ZBTB7C: variants seen among roughly 807,000 people sequenced by gnomAD.
The protein encoded by ZBTB7C is zinc finger and BTB domain containing 7C, also known as zinc finger and BTB domain-containing protein 7C.
In ZBTB7C, 8 loss-of-function variants were observed where a neutral mutation model predicts 25.7. The observed-to-expected ratio is 0.31, with a 90% CI of 0.18 to 0.56. ZBTB7C has a LOEUF of 0.56. Among genes scored for constraint, ZBTB7C ranks in the 20% least tolerant of loss-of-function variants. The pLI is 0.91. For missense variants in ZBTB7C, 824 were observed against 855.2 expected (o/e 0.96, Z 0.46); for synonymous variants, 394 against 369.0 (o/e 1.07, Z -0.78).
intron 2 of ZBTB7C, among the ~76,000 whole-genome samples, chr18:48,213,720 C>T (rs2042756305): frequency 6.6e-6 from 1 of 152,220 alleles, no homozygotes; most frequent in Admixed American, 6.5e-5. Context: ...CTGGTTCTGA[C>T]TGTTCTGACC....
At chr18:48,234,056 C>T (rs2043317935) in intron 2 of ZBTB7C, among the ~76,000 whole-genome samples, 1 of 152,054 alleles carries the variant, frequency 6.6e-6, no homozygotes, top group Non-Finnish European at 1.5e-5. Context: ...AACCCAATAG[C>T]CTCAGTGGAA....
intron 3 of ZBTB7C, among the ~76,000 whole-genome samples, chr18:48,061,255 T>A (rs2037115651): frequency 6.6e-6 from 1 of 152,130 alleles, no homozygotes; most frequent in Non-Finnish European, 1.5e-5. Flanking sequence ...AAGAGTAGGA[T>A]AAAACAAAGG....
rs187555208 is a variant in ZBTB7C at position 48,389,798 on chromosome 18, A to C, written c.-304+19428T>G. ...ACCATGCCCTGTAAGGCACGATTGAATGTGAAGAGCCCGGTACAGTGCCTG... is the reference window on the plus strand; with the variant it reads ...ACCATGCCCTGTAAGGCACGATTGACTGTGAAGAGCCCGGTACAGTGCCTG... On this transcript the variant is annotated intron_variant, in intron 1 of 4. Transcript: ENST00000590800. Among the ~76,000 whole-genome samples the C allele has an allele frequency of 1.7e-3, 260 of 152,342 alleles. 1 individual carries two copies. The highest frequency in any genetic ancestry group is 4.8e-3 in the Admixed American group (74 of 15,310).
chr18:48,304,576 G>A (rs2045623692), intron 2 of ZBTB7C, among the ~76,000 whole-genome samples: 1 of 152,240 alleles, frequency 6.6e-6, no homozygotes, highest in Admixed American at 6.5e-5. Context: ...TCAGGAGGCT[G>A]AGGCAGGAGA....
At chr18:48,130,596 G>A (rs2039957511) in intron 3 of ZBTB7C, among the ~76,000 whole-genome samples, 1 of 152,088 alleles carries the variant, frequency 6.6e-6, no homozygotes, top group African/African-American at 2.4e-5. Context: ...CTGAACTTCA[G>A]AAACCATCTA....
intron 3 of ZBTB7C, among the ~76,000 whole-genome samples, chr18:48,054,532 C>T (rs1475927537): frequency 6.6e-6 from 1 of 152,202 alleles, no homozygotes; most frequent in Non-Finnish European, 1.5e-5. Flanking sequence ...CTGTTGTCTA[C>T]CTCAATTTAG....
chr18:48,036,303 C>G (rs2035967516), intron 4 of ZBTB7C, among the ~76,000 whole-genome samples: 1 of 152,210 alleles, frequency 6.6e-6, no homozygotes, highest in Non-Finnish European at 1.5e-5. Context: ...TGAAGGGGCT[C>G]TGCTGGAAGG....
intron 3 of ZBTB7C, among the ~76,000 whole-genome samples, chr18:48,182,914 C>T (rs1009296372): frequency 4.0e-5 from 6 of 151,780 alleles, no homozygotes; most frequent in South Asian, 2.1e-4. Flanking sequence ...GGCTGTCATG[C>T]GGTATCTCAA....
intron 2 of ZBTB7C, among the ~76,000 whole-genome samples, chr18:48,295,538 C>A (rs547130979): frequency 7.9e-5 from 12 of 152,082 alleles, no homozygotes; most frequent in African/African-American, 2.7e-4. Context: ...GACCCAAGCC[C>A]AAGAGGACTC....
chr18:48,306,140 C>A (rs1248397265), intron 2 of ZBTB7C, among the ~76,000 whole-genome samples: 1 of 152,192 alleles, frequency 6.6e-6, no homozygotes, highest in Non-Finnish European at 1.5e-5. Flanking sequence ...CACATTTTAG[C>A]AAGAAATTTG....
At chr18:48,051,184 T>C (rs976747295) in intron 3 of ZBTB7C, among the ~76,000 whole-genome samples, 2 of 152,122 alleles carry the variant, frequency 1.3e-5, no homozygotes, top group East Asian at 1.9e-4. Context: ...AAGATCCCCA[T>C]AGAGGTTTAG....
At chr18:48,132,622 C>T (rs2040021290) in intron 3 of ZBTB7C, among the ~76,000 whole-genome samples, 1 of 152,128 alleles carries the variant, frequency 6.6e-6, no homozygotes, top group Non-Finnish European at 1.5e-5. Context: ...AAAACAGAAA[C>T]AAAACAAACA....
intron 3 of ZBTB7C, among the ~76,000 whole-genome samples, chr18:48,078,874 A>C (rs568838414): frequency 4.9e-4 from 75 of 152,318 alleles, no homozygotes; most frequent in African/African-American, 1.6e-3. Context: ...AGCATGTATT[A>C]GTGCTTCATT....
At chr18:48,303,989 G>A (rs758410358) in intron 2 of ZBTB7C, among the ~76,000 whole-genome samples, 1 of 152,202 alleles carries the variant, frequency 6.6e-6, no homozygotes, top group Non-Finnish European at 1.5e-5. Flanking sequence ...AAAGATTCCA[G>A]AGGTGGGAGC....
intron 2 of ZBTB7C, chr18:48,252,248 T>C (rs1356074933): frequency 6.6e-6 from 1 of 152,228 alleles, no homozygotes; most frequent in East Asian, 1.9e-4. Flanking sequence ...TTTAGCTGTG[T>C]GGTTTTGGGA....
chr18:48,317,582 G>A (rs904109547), intron 2 of ZBTB7C, among the ~76,000 whole-genome samples: 1 of 152,252 alleles, frequency 6.6e-6, no homozygotes, highest in African/African-American at 2.4e-5. Context: ...AGGCACCAGT[G>A]TTTTTGGCTG....
intron 3 of ZBTB7C, among the ~76,000 whole-genome samples, chr18:48,103,616 C>T (rs1052399114): frequency 1.3e-5 from 2 of 152,160 alleles, no homozygotes; most frequent in Admixed American, 6.5e-5. Flanking sequence ...ACTTACATCC[C>T]CATAAAAACC....
intron 2 of ZBTB7C, among the ~76,000 whole-genome samples, chr18:48,300,638 A>G (rs968928553): frequency 6.6e-6 from 1 of 152,222 alleles, no homozygotes; most frequent in African/African-American, 2.4e-5. Context: ...AAAGACATGC[A>G]GACAGGAAAT....
chr18:48,401,669 G>A (rs1162621083), intron 1 of ZBTB7C, among the ~76,000 whole-genome samples: 2 of 152,138 alleles, frequency 1.3e-5, no homozygotes, highest in African/African-American at 2.4e-5. Flanking sequence ...TCTGGGCCCT[G>A]AGGAGGTTAC....
Sources: gnomAD v4.1 joint callset for allele counts (sites outside exome capture counted in the v4.1 genomes callset) on GRCh38, gnomAD v4.1.1 for gene constraint, MANE v1.5 for transcripts, NCBI Gene and HGNC (gene_info 2026-07-23, HGNC 2026-07-21) for gene names.